INSYN2B: variants seen among roughly 807,000 people sequenced by gnomAD.
INSYN2B encodes the protein protein INSYN2B.
INSYN2B carries 16 observed loss-of-function variants against 41.2 expected under a neutral mutation model. The observed-to-expected ratio is 0.39, with a 90% CI of 0.26 to 0.59. The LOEUF (loss-of-function observed/expected upper bound fraction) is 0.59, where lower values mean the gene tolerates loss of function less well. Among genes scored for constraint, INSYN2B ranks in the 20% least tolerant of loss-of-function variants. The pLI, the probability that INSYN2B is intolerant of heterozygous loss-of-function variation, is 0.57. For missense variants in INSYN2B, 608 were observed against 646.4 expected, an observed-to-expected ratio of 0.94 and a Z score of 0.64; for synonymous variants, 245 against 244.4, an observed-to-expected ratio of 1.00 and a Z score of -0.02.
In INSYN2B at chr5:169,906,479, T is replaced by TTGTTA. The variant is rs767598375; in HGVS notation, c.-918-21668_-918-21664dup. 2.5e-3 allele frequency among the ~76,000 whole-genome samples: 381 copies of TTGTTA among 151,780 alleles called. 3 individuals are homozygous for TTGTTA. The highest frequency in any genetic ancestry group is 0.012 in the South Asian group (58 of 4,810). The stretch of plus-strand genomic sequence containing the variant: ...TTAGATTTTTAAAATTTATTTTATT[T>TTGTTA]TGTTACGTTATGTTATGTTATTTCA... On this transcript the variant is annotated intron_variant, in intron 1 of 3. Coordinates refer to ENST00000377365, the MANE Select transcript of INSYN2B (RefSeq NM_001129891.3).
rs138731818 is a variant in INSYN2B, at chr5:169,919,018, A to T, written c.-918-34202T>A. 6.6e-5 allele frequency among the ~76,000 whole-genome samples: 10 copies of T among 152,370 alleles called. No individual in the cohort carries two copies. In the East Asian group the frequency reaches 1.7e-3, roughly 26 times the overall value. On this transcript the variant is annotated intron_variant, in intron 1 of 3. Coordinates refer to ENST00000377365, the MANE Select transcript of INSYN2B (RefSeq NM_001129891.3). ...ACCAGTAACAAGGGTTATGTTGGAT[A>T]GAAGTGATGGGTTTGGATTCAATAT... is the stretch of plus-strand genomic sequence containing the variant.
chr5:169,920,126 A>G (rs1438199362), intron 1 of INSYN2B, among the ~76,000 whole-genome samples: 2 of 152,120 alleles, frequency 1.3e-5, no homozygotes, highest in African/African-American at 4.8e-5. Context: ...GCTTTTTGAG[A>G]TTTAGCGTCT....
rs1383310868 is a variant in INSYN2B at position 169,894,823 on chromosome 5, T to C, written c.-918-10007A>G. ...CAGAGACGGGACAAAATCCCAGGTT[T>C]TGAGAGTCCATGCGGGGGTTGTGGC... On this transcript the variant is annotated intron_variant, in intron 1 of 3. Transcript: ENST00000377365. Among the ~76,000 whole-genome samples, 3 of 152,298 alleles carry C rather than the reference T, an allele frequency of 2.0e-5. No individual in the cohort carries two copies. The East Asian group carries it at 5.8e-4, about 29-fold the overall frequency.
At chr5:169,900,781 T>C (rs1329040814) in intron 1 of INSYN2B, among the ~76,000 whole-genome samples, 1 of 152,078 alleles carries the variant, frequency 6.6e-6, no homozygotes, top group African/African-American at 2.4e-5. Context: ...GCAAAGAAGC[T>C]CTTGGTGGTG....
intron 1 of INSYN2B, among the ~76,000 whole-genome samples, chr5:169,902,679 T>C (rs1728690938): frequency 6.6e-6 from 1 of 152,218 alleles, no homozygotes; most frequent in African/African-American, 2.4e-5. Context: ...GCCTCATTCC[T>C]GACTGTATTT....
intron 1 of INSYN2B, among the ~76,000 whole-genome samples, chr5:169,929,390 C>T (rs1049183704): frequency 2.0e-5 from 3 of 152,082 alleles, no homozygotes; most frequent in South Asian, 2.1e-4. Context: ...TCCCGGCAAA[C>T]GATATACAGA....
At chr5:169,967,231 A>G (rs1453808448) in intron 1 of INSYN2B, among the ~76,000 whole-genome samples, 2 of 152,218 alleles carry the variant, frequency 1.3e-5, no homozygotes, top group African/African-American at 4.8e-5. Flanking sequence ...GAGGGCCCTG[A>G]CCACAGCTAG....
At chr5:169,895,765 C>T (rs906796612) in intron 1 of INSYN2B, among the ~76,000 whole-genome samples, 8 of 152,142 alleles carry the variant, frequency 5.3e-5, no homozygotes, top group Non-Finnish European at 1.2e-4. Context: ...TGCTGAATGA[C>T]CTAGGACAAG....
Position 169,867,856 on chromosome 5 carries a change from T to C in INSYN2B, c.1422-3397A>G, listed in dbSNP as rs1011337540. Among the ~76,000 whole-genome samples, 8 of 152,262 alleles carry C rather than the reference T, an allele frequency of 5.3e-5. No homozygotes were observed. In the East Asian group the frequency reaches 1.5e-3, roughly 29 times the overall value. On this transcript the variant is annotated intron_variant, in intron 3 of 3. Coordinates refer to ENST00000377365, the MANE Select transcript of INSYN2B (RefSeq NM_001129891.3). ...CTCCCCAGTGGAAACTGGAGATGGA[T>C]TGAGAGCCTAGGCAACCCCTGCATT... is the stretch of plus-strand genomic sequence containing the variant.
At chr5:169,893,723 A>G (rs571505100) in intron 1 of INSYN2B, among the ~76,000 whole-genome samples, 14 of 152,218 alleles carry the variant, frequency 9.2e-5, no homozygotes, top group Non-Finnish European at 1.5e-4. Flanking sequence ...AGCCAGACAG[A>G]CAATGATTTG....
intron 1 of INSYN2B, among the ~76,000 whole-genome samples, chr5:169,925,579 T>A (rs2909779): frequency 0.66 from 53,093 of 80,374 alleles, 17,175 homozygotes; most frequent in East Asian, 0.78. Context: ...GACTCTGTCT[T>A]AAAAAAAAAA....
chr5:169,926,301 T>G (rs1775452678), intron 1 of INSYN2B, among the ~76,000 whole-genome samples: 1 of 152,224 alleles, frequency 6.6e-6, no homozygotes, highest in Non-Finnish European at 1.5e-5. Flanking sequence ...TTGGGAAATA[T>G]TGTCGCTTTG....
intron 1 of INSYN2B, among the ~76,000 whole-genome samples, chr5:169,901,418 G>GGT (rs149142184): frequency 2.6e-4 from 39 of 151,594 alleles, no homozygotes; most frequent in East Asian, 1.4e-3. Context: ...GTTTACGAAG[G>GGT]GTGTGTGTGT....
chr5:169,974,529 A>AT (rs1405706308), intron 1 of INSYN2B, among the ~76,000 whole-genome samples: 1 of 152,156 alleles, frequency 6.6e-6, no homozygotes, highest in East Asian at 1.9e-4. Context: ...GAGACTTCAC[A>AT]TCCTGTTGGG....
chr5:169,934,541 T>G, intron 1 of INSYN2B: 1 of 427,574 alleles, frequency 2.3e-6, no homozygotes, highest in Non-Finnish European at 4.7e-6. Flanking sequence ...AGCCTAATTG[T>G]ATGCGCTACA....
chr5:169,938,938 C>G lies in INSYN2B; in HGVS notation c.-919+41339G>C, dbSNP rs553065880. On this transcript the variant is annotated intron_variant, in intron 1 of 3. Coordinates refer to ENST00000377365, the MANE Select transcript of INSYN2B (RefSeq NM_001129891.3). ...TTTTTTTTTGAAATGGAGTCTTGCT[C>G]TGTCGCCCAGGCTGGAGTACAGTGG... is the stretch of plus-strand genomic sequence containing the variant. 5.4e-5 allele frequency among the ~76,000 whole-genome samples: 8 copies of G among 147,818 alleles called. No individual in the cohort carries two copies. In the South Asian group the frequency reaches 1.7e-3, roughly 32 times the overall value.
intron 1 of INSYN2B, among the ~76,000 whole-genome samples, chr5:169,908,583 C>T (rs1321244535): frequency 6.6e-6 from 1 of 152,044 alleles, no homozygotes; most frequent in Non-Finnish European, 1.5e-5. Context: ...TTTTGTCTAT[C>T]TATAAATGCC....
intron 1 of INSYN2B, among the ~76,000 whole-genome samples, chr5:169,928,297 C>A (rs1581430552): frequency 6.6e-6 from 1 of 152,052 alleles, no homozygotes; most frequent in African/African-American, 2.4e-5. Context: ...CTGTTCTTGC[C>A]CAGTCTGTTC....
chr5:169,911,129 G>GT (rs1358468129), intron 1 of INSYN2B, among the ~76,000 whole-genome samples: 1 of 152,120 alleles, frequency 6.6e-6, no homozygotes, highest in Admixed American at 6.5e-5. Context: ...CTTCATTAAT[G>GT]TTTTTATTTT....
Sources: allele counts gnomAD v4.1 joint callset (sites outside exome capture counted in the v4.1 genomes callset), GRCh38; gene constraint gnomAD v4.1.1; transcripts MANE v1.5; gene names NCBI Gene and HGNC (gene_info 2026-07-23, HGNC 2026-07-21).